MAPK10: variants seen among roughly 807,000 people sequenced by gnomAD.
The protein encoded by MAPK10 is mitogen-activated protein kinase 10.
Under a neutral mutation model 59.3 loss-of-function variants are expected in MAPK10, and 25 were observed. The ratio of observed to expected loss-of-function variants is 0.42; its 90% CI spans 0.31 to 0.59. The LOEUF (loss-of-function observed/expected upper bound fraction) is 0.59, where lower values mean the gene tolerates loss of function less well. MAPK10 is among the 20% of genes least tolerant of loss of function. The pLI is 0.15. For synonymous variants in MAPK10, 190 were observed against 200.5 expected (o/e 0.95, Z 0.44); for missense variants, 351 against 568.9 (o/e 0.62, Z 3.90).
chr4:86,156,721 A>T (rs1333144438), intron 4 of MAPK10, among the ~76,000 whole-genome samples: 1 of 151,978 alleles, frequency 6.6e-6, no homozygotes, highest in Non-Finnish European at 1.5e-5. Context: ...CCTACTGTTG[A>T]TTTCTTCCCA....
chr4:86,585,696 T>C (rs1443189773), intron 1 of MAPK10, among the ~76,000 whole-genome samples: 1 of 152,222 alleles, frequency 6.6e-6, no homozygotes, highest in East Asian at 1.9e-4. Flanking sequence ...CTTCATGTTG[T>C]TGAATGTGGC....
At chr4:86,560,216 CTT>C in intron 1 of MAPK10, among the ~76,000 whole-genome samples, 1 of 152,106 alleles carries the variant, frequency 6.6e-6, no homozygotes, top group Admixed American at 6.5e-5. Context: ...AATGACAAGA[CTT>C]TTCAATATAG....
chr4:86,289,680 T>C (rs1564020724), intron 2 of MAPK10, among the ~76,000 whole-genome samples: 1 of 150,756 alleles, frequency 6.6e-6, no homozygotes, highest in Non-Finnish European at 1.5e-5. Flanking sequence ...AATTATAATA[T>C]ATAATAGTGC....
At chr4:86,414,819 A>G (rs542438972) in intron 1 of MAPK10, among the ~76,000 whole-genome samples, 28 of 152,200 alleles carry the variant, frequency 1.8e-4, no homozygotes, top group Admixed American at 4.6e-4. Context: ...CCTAACAACC[A>G]TTCTACCCTT....
intron 1 of MAPK10, among the ~76,000 whole-genome samples, chr4:86,437,549 G>A (rs1748914117): frequency 1.3e-5 from 2 of 152,230 alleles, no homozygotes; most frequent in South Asian, 2.1e-4. Flanking sequence ...CTATGAGAAA[G>A]ATTAGCCTAT....
At chr4:86,151,791 T>A (rs1421069860) in intron 4 of MAPK10, among the ~76,000 whole-genome samples, 2 of 152,230 alleles carry the variant, frequency 1.3e-5, no homozygotes, top group Non-Finnish European at 2.9e-5. Flanking sequence ...ATTTGGCTTA[T>A]AATTTTCCTC....
intron 1 of MAPK10, among the ~76,000 whole-genome samples, chr4:86,399,004 C>T (rs745422830): frequency 2.0e-5 from 3 of 152,128 alleles, no homozygotes; most frequent in Non-Finnish European, 4.4e-5. Flanking sequence ...ATCCAGTCCA[C>T]CGATGCTGGG....
In MAPK10 at chr4:86,423,760, GATATATATACATATATAT is replaced by G. The variant is rs1214970444; in HGVS notation, c.-122+29252_-122+29269del. On this transcript the variant is annotated intron_variant, in intron 1 of 13. Transcript: ENST00000361569. ...AGGGCTGCATATAAGTAATTAGTGG[GATATATATACATATATAT>G]ATATATATATATATATATGTTTAGG... 2.4e-4 allele frequency among the ~76,000 whole-genome samples: 28 copies of G among 117,124 alleles called. 2 individuals are homozygous for G. The highest frequency in any genetic ancestry group is 1.3e-3 in the East Asian group (5 of 3,984). The allele number at this position is 117,124 out of a possible 152,430, so 76.8% of individuals were successfully genotyped here.
intron 1 of MAPK10, among the ~76,000 whole-genome samples, chr4:86,530,632 A>G (rs957384466): frequency 6.6e-6 from 1 of 152,176 alleles, no homozygotes; most frequent in African/African-American, 2.4e-5. Context: ...CACAAAAAAT[A>G]CCTTCTTGCC....
At chr4:86,277,667 A>G (rs1032576444) in intron 2 of MAPK10, among the ~76,000 whole-genome samples, 3 of 152,164 alleles carry the variant, frequency 2.0e-5, no homozygotes, top group African/African-American at 7.2e-5. Flanking sequence ...AAGATGCTTA[A>G]TAACCAGTGT....
chr4:86,398,583 T>C (rs546366155), intron 1 of MAPK10, among the ~76,000 whole-genome samples: 1 of 152,340 alleles, frequency 6.6e-6, no homozygotes, highest in South Asian at 2.1e-4. Flanking sequence ...ACAATATTAA[T>C]GTACCTTGTT....
chr4:86,251,145 TTTTTATTTTA>T (rs71657510), intron 2 of MAPK10, among the ~76,000 whole-genome samples: 23 of 151,312 alleles, frequency 1.5e-4, no homozygotes, highest in Admixed American at 3.3e-4. Context: ...TAGAACATCG[TTTTTATTTTA>T]TTTTATTTTA....
intron 4 of MAPK10, among the ~76,000 whole-genome samples, chr4:86,145,056 C>A (rs115710819): frequency 0.023 from 3,569 of 152,118 alleles, 141 homozygotes; most frequent in African/African-American, 0.081. Context: ...GTTTTATCCT[C>A]CTTAAAATAC....
At position 86,411,753 on chromosome 4, in the gene MAPK10, T is replaced by C. The variant is rs559798734; in HGVS notation, c.-122+41277A>G. ...TTTTATTTGCTTTCCATTTGCTTGG[T>C]AGATTTTCCTCCATCCCTTTATTTG... On this transcript the variant is annotated intron_variant, in intron 1 of 13. Transcript: ENST00000361569. Among the ~76,000 whole-genome samples the C allele has an allele frequency of 1.8e-4, 27 of 152,330 alleles. No homozygotes were observed. The Middle Eastern group carries it at 0.01, about 58-fold the overall frequency.
intron 2 of MAPK10, among the ~76,000 whole-genome samples, chr4:86,261,846 A>G (rs932358891): frequency 5.9e-5 from 9 of 152,248 alleles, no homozygotes; most frequent in Non-Finnish European, 1.3e-4. Context: ...GCAAAGAGAA[A>G]GCAAAGAGTA....
At chr4:86,372,494 C>A (rs111610802) in intron 1 of MAPK10, among the ~76,000 whole-genome samples, 1 of 136,596 alleles carries the variant, frequency 7.3e-6, no homozygotes, top group African/African-American at 2.8e-5. Context: ...TCCAGACTGG[C>A]GACAGAGTAA....
At chr4:86,300,533 T>C (rs577797246) in intron 2 of MAPK10, 1 of 152,284 alleles carries the variant, frequency 6.6e-6, no homozygotes, top group South Asian at 2.1e-4. Flanking sequence ...CACATTTGCT[T>C]TATAGAATTT....
At chr4:86,343,712 T>C (rs1726448996) in intron 2 of MAPK10, among the ~76,000 whole-genome samples, 1 of 151,956 alleles carries the variant, frequency 6.6e-6, no homozygotes, top group East Asian at 1.9e-4. Context: ...CACAGGTATA[T>C]GGCAGTCTTC....
chr4:86,448,444 T>C (rs1314659362), intron 1 of MAPK10, among the ~76,000 whole-genome samples: 1 of 152,030 alleles, frequency 6.6e-6, no homozygotes, highest in Non-Finnish European at 1.5e-5. Flanking sequence ...TAGAGAAATG[T>C]CAGTTTTGTA....
Sources: allele counts gnomAD v4.1 joint callset (sites outside exome capture counted in the v4.1 genomes callset), GRCh38; gene constraint gnomAD v4.1.1; transcripts MANE v1.5; gene names NCBI Gene and HGNC (gene_info 2026-07-23, HGNC 2026-07-21).